PTP4A1: variants seen among roughly 807,000 people sequenced by gnomAD.
The protein encoded by PTP4A1 is protein tyrosine phosphatase type IVA 1.
A neutral mutation model predicts 20.5 loss-of-function variants in PTP4A1; 9 were observed. The observed-to-expected ratio is 0.44, with a 90% CI of 0.26 to 0.77. The LOEUF is 0.77. Among genes scored for constraint, PTP4A1 ranks in the 30% least tolerant of loss-of-function variants. PTP4A1 has a pLI of 0.19. For synonymous variants in PTP4A1, 78 were observed against 67.4 expected (o/e 1.16, Z -0.77); for missense variants, 137 against 218.8 (o/e 0.63, Z 2.36).
At chr6:63,532,792 T>C (rs1236360831) in intron 2 of PTP4A1, among the ~76,000 whole-genome samples, 2 of 152,186 alleles carry the variant, frequency 1.3e-5, no homozygotes, top group African/African-American at 4.8e-5. Context: ...CCCAAAAGAT[T>C]GAATTCTATT....
chr6:63,561,675 G>T (rs549341381), intron 3 of PTP4A1, among the ~76,000 whole-genome samples: 4 of 152,234 alleles, frequency 2.6e-5, no homozygotes, highest in South Asian at 2.1e-4. Flanking sequence ...ACGTTTAGAG[G>T]TGATTTCTTG....
At chr6:63,556,336 G>A (rs1225433084) in intron 3 of PTP4A1, among the ~76,000 whole-genome samples, 1 of 150,162 alleles carries the variant, frequency 6.7e-6, no homozygotes, top group Non-Finnish European at 1.5e-5. Flanking sequence ...TTTTTTTCTT[G>A]CCTTTTTCTT....
chr6:63,525,074 G>T (rs1482984918), intron 1 of PTP4A1, among the ~76,000 whole-genome samples: 1 of 152,196 alleles, frequency 6.6e-6, no homozygotes, highest in Non-Finnish European at 1.5e-5. Context: ...TTCTGAAAGG[G>T]TGTTTAGAAG....
intron 2 of PTP4A1, among the ~76,000 whole-genome samples, chr6:63,577,900 T>A (rs1777973282): frequency 6.7e-6 from 1 of 150,056 alleles, no homozygotes; most frequent in Non-Finnish European, 1.5e-5. Context: ...TATATTATAT[T>A]AGTAATATGT....
chr6:63,563,698 T>C (rs949394585), intron 3 of PTP4A1, among the ~76,000 whole-genome samples: 2 of 152,130 alleles, frequency 1.3e-5, no homozygotes, highest in South Asian at 2.1e-4. Flanking sequence ...TTAACACATA[T>C]GTGTTGGGGA....
At chr6:63,579,155 A>G (rs1344534188) in intron 4 of PTP4A1, 102 bp from the exon 5 acceptor site, 1 of 1,372,956 alleles carries the variant, frequency 7.3e-7, no homozygotes, top group South Asian at 1.5e-5. Context: ...TTAAATAGGA[A>G]GGGTGGTAGA....
rs1778137557 is a variant in PTP4A1, at chr6:63,580,203, G to A, written c.*29G>A. ...TGGGGTGCCTAATGCTACTGGAAGT[G>A]GAACTTGAGATAGGGCCTAATTTGT... On this transcript the variant is annotated 3_prime_UTR_variant, in exon 6 of 6. Coordinates refer to ENST00000626021, the MANE Select transcript of PTP4A1 (RefSeq NM_003463.5). 1 of 1,522,880 alleles carries A rather than the reference G, an allele frequency of 6.6e-7. No individual in the cohort carries two copies. Among genetic ancestry groups the A allele is most frequent in the Non-Finnish European group, 9.1e-7 (1 of 1,099,224 alleles). 94.3% of individuals were successfully genotyped at this position (1,522,880 alleles called of 1,614,324 possible).
chr6:63,527,440 T>C (rs1224607361), intron 1 of PTP4A1, among the ~76,000 whole-genome samples: 1 of 152,084 alleles, frequency 6.6e-6, no homozygotes, highest in Non-Finnish European at 1.5e-5. Flanking sequence ...ATTTGATGGG[T>C]CTTTCCTTTC....
chr6:63,570,832 A>C (rs1292324036), upstream of PTP4A1, among the ~76,000 whole-genome samples: 1 of 152,176 alleles, frequency 6.6e-6, no homozygotes, highest in Non-Finnish European at 1.5e-5. Context: ...TATTTCCCCC[A>C]GTGTGAAATT....
intron 3 of PTP4A1, among the ~76,000 whole-genome samples, chr6:63,551,422 C>T (rs1031498262): frequency 2.0e-5 from 3 of 152,132 alleles, no homozygotes; most frequent in African/African-American, 7.2e-5. Flanking sequence ...ATAAAATGTC[C>T]ACAATTCATA....
chr6:63,533,369 A>G (rs2149478935), intron 2 of PTP4A1, among the ~76,000 whole-genome samples: 1 of 152,294 alleles, frequency 6.6e-6, no homozygotes, highest in South Asian at 2.1e-4. Context: ...GCCACAGAGC[A>G]AGACTGTTTC....
At chr6:63,532,550 A>G (rs1224189514) in intron 2 of PTP4A1, among the ~76,000 whole-genome samples, 1 of 152,130 alleles carries the variant, frequency 6.6e-6, no homozygotes, top group East Asian at 1.9e-4. Context: ...AACCAGGTAA[A>G]TAAATGCCAT....
chr6:63,570,791 T>C (rs375638655), upstream of PTP4A1, among the ~76,000 whole-genome samples: 3 of 152,344 alleles, frequency 2.0e-5, no homozygotes, highest in East Asian at 3.9e-4. Context: ...CCAAGCTTTT[T>C]ATATTAACCC....
intron 2 of PTP4A1, chr6:63,548,971 G>A (rs2149488761): frequency 2.7e-6 from 2 of 750,458 alleles, no homozygotes; most frequent in East Asian, 2.5e-5. Context: ...ATGCAGTAAG[G>A]GACCCGCATT....
chr6:63,543,840 T>C (rs1776076784), intron 2 of PTP4A1, among the ~76,000 whole-genome samples: 1 of 152,236 alleles, frequency 6.6e-6, no homozygotes, highest in African/African-American at 2.4e-5. Context: ...GAGTTTCTTT[T>C]AGATCCCCAA....
chr6:63,577,443 G>A (rs1308242123), intron 2 of PTP4A1, among the ~76,000 whole-genome samples: 2 of 152,148 alleles, frequency 1.3e-5, no homozygotes, highest in Admixed American at 1.3e-4. Flanking sequence ...CTTTTTACTA[G>A]GAGAAAGGAA....
intron 3 of PTP4A1, 135 bp downstream of exon 3, chr6:63,578,664 C>A: frequency 7.7e-7 from 1 of 1,306,102 alleles, no homozygotes; most frequent in Non-Finnish European, 1.0e-6. Flanking sequence ...TATTATTGTG[C>A]AGAATCTTAA....
Position 63,525,419 on chromosome 6 carries a change from G to A in PTP4A1, c.-905-2400G>A, listed in dbSNP as rs183638569. Among the ~76,000 whole-genome samples, 382 of 152,314 alleles carry A rather than the reference G, an allele frequency of 2.5e-3. 3 individuals carry two copies. Among genetic ancestry groups the A allele is most frequent in the African/African-American group, 8.7e-3 (361 of 41,564 alleles). Reference sequence around the variant, plus strand: ...GGAACACACTCCTTCCCGTTTGCTTGCTATTCTTGTCAGTATCACCTAGCT... The same window carrying A: ...GGAACACACTCCTTCCCGTTTGCTTACTATTCTTGTCAGTATCACCTAGCT... On this transcript the variant is annotated intron_variant, in intron 1 of 3. Transcript: ENST00000639568.
intron 1 of PTP4A1, among the ~76,000 whole-genome samples, chr6:63,523,201 C>T (rs1026182879): frequency 1.3e-5 from 2 of 151,856 alleles, no homozygotes; most frequent in Non-Finnish European, 2.9e-5. Context: ...ATCACTCTTA[C>T]GAGTCATCAA....
Sources: allele counts gnomAD v4.1 joint callset (sites outside exome capture counted in the v4.1 genomes callset), GRCh38; gene constraint gnomAD v4.1.1; transcripts MANE v1.5; gene names NCBI Gene and HGNC (gene_info 2026-07-23, HGNC 2026-07-21).